Variants in DPH7 observed in about 807,000 individuals in gnomAD.
The protein encoded by DPH7 is diphthamide biosynthesis 7, also known as diphthine methyltransferase.
DPH7 carries 44 observed loss-of-function variants against 41.7 expected under a neutral mutation model. The observed-to-expected ratio is 1.05, with a 90% CI of 0.83 to 1.36. The LOEUF (loss-of-function observed/expected upper bound fraction) is 1.36, where lower values mean the gene tolerates loss of function less well. Ranked by LOEUF, DPH7 falls within the 40% of genes most tolerant of loss-of-function variation. The pLI, the probability that DPH7 is intolerant of heterozygous loss-of-function variation, is 0.00. For synonymous variants in DPH7, 275 were observed against 238.0 expected, an observed-to-expected ratio of 1.16 and a Z score of -1.43; for missense variants, 629 against 577.5, an observed-to-expected ratio of 1.09 and a Z score of -0.91.
At chr9:137,558,747 A>AT (rs1564405416) in intron 8 of DPH7, among the ~76,000 whole-genome samples, 4 of 151,898 alleles carry the variant, frequency 2.6e-5, no homozygotes. Context: ...TTTATTTTTT[A>AT]TTTTTTTTGA....
chr9:137,571,643 C>G (rs1840456866), intron 5 of DPH7, among the ~76,000 whole-genome samples: 2 of 151,578 alleles, frequency 1.3e-5, no homozygotes, highest in South Asian at 4.2e-4. Context: ...CAAAAATTAG[C>G]CGGGCATGGC....
intron 8 of DPH7, among the ~76,000 whole-genome samples, chr9:137,558,388 G>A (rs1837891931): frequency 6.6e-6 from 1 of 152,050 alleles, no homozygotes; most frequent in South Asian, 2.1e-4. Flanking sequence ...CAGGACACAA[G>A]ACCCTCTCTT....
chr9:137,564,895 T>TC lies in DPH7; in HGVS notation c.773dup (p.Ser259LysfsTer3), dbSNP rs762157874. 2.0e-5 allele frequency: 32 copies of TC among 1,593,154 alleles called. No individual in the cohort carries two copies. Among genetic ancestry groups the TC allele is most frequent in the Non-Finnish European group, 2.6e-5 (31 of 1,169,906 alleles). On this transcript the variant is annotated frameshift_variant, in exon 7 of 9. Transcript: ENST00000277540. LOFTEE classifies it high-confidence loss of function. ...CCGAGAGCCTCCTGGGGACTCACCTTCCCGTGGCCAGGATGTGCTCCCGAT... is the reference window on the plus strand; with the variant it reads ...CCGAGAGCCTCCTGGGGACTCACCTTCCCCGTGGCCAGGATGTGCTCCCGAT...
At chr9:137,573,360 C>CAAAAAAAAA (rs34523698) in intron 5 of DPH7, among the ~76,000 whole-genome samples, 2 of 40,278 alleles carry the variant, frequency 5.0e-5, no homozygotes, top group Non-Finnish European at 8.5e-5. Flanking sequence ...GACTCCATCT[C>CAAAAAAAAA]AAAAAAAAAA....
chr9:137,562,803 C>T (rs1238430126), intron 8 of DPH7, among the ~76,000 whole-genome samples: 1 of 151,974 alleles, frequency 6.6e-6, no homozygotes, highest in Non-Finnish European at 1.5e-5. Flanking sequence ...CCCGTCTCTA[C>T]TAAAAATACA....
chr9:137,565,099 G>A lies in DPH7; in HGVS notation c.696C>T (p.Leu232=), dbSNP rs1032571213. ...GWDTRVPGKF[L]FTSKRHTMGV... is the part of the protein sequence containing the mutation. Reference sequence around the variant, plus strand: ...TGGGCAGTTACCTTTTGCTGGTGAAGAGAAATTTGCCGGGTACCCTGGTGT... The same window carrying A: ...TGGGCAGTTACCTTTTGCTGGTGAAAAGAAATTTGCCGGGTACCCTGGTGT... Residue 232 remains leucine, a synonymous_variant, in exon 6 of 9, where the codon CTC becomes CTT. Coordinates refer to ENST00000277540, the MANE Select transcript of DPH7 (RefSeq NM_138778.5). 6.2e-7 allele frequency: 1 copy of A among 1,614,080 alleles called. No homozygotes were observed. Among genetic ancestry groups the A allele is most frequent in the Non-Finnish European group, 8.5e-7 (1 of 1,180,020 alleles).
intron 5 of DPH7, among the ~76,000 whole-genome samples, chr9:137,570,802 T>C (rs1299130840): frequency 6.6e-6 from 1 of 152,186 alleles, no homozygotes; most frequent in Non-Finnish European, 1.5e-5. Context: ...CTGCCCACCC[T>C]GACCATGCTC....
chr9:137,556,604 T>C lies in DPH7; in HGVS notation c.950-956A>G, dbSNP rs1837542831. Reference sequence around the variant, plus strand: ...GCCCAGGGCTTCAACTGGGCAGAGGTGGCTCCGAGGAGGAGTGAGATGCTG... The same window carrying C: ...GCCCAGGGCTTCAACTGGGCAGAGGCGGCTCCGAGGAGGAGTGAGATGCTG... On this transcript the variant is annotated intron_variant, in intron 8 of 8. Coordinates refer to ENST00000277540, the MANE Select transcript of DPH7 (RefSeq NM_138778.5). This position sits in a 1 kb window ranked among gnomAD's most constrained non-coding sequence, Gnocchi z 5.2. The C allele has an allele frequency of 3.0e-6, 1 of 337,348 alleles. No homozygotes were observed. The highest frequency in any genetic ancestry group is 5.9e-6 in the Non-Finnish European group (1 of 170,476). 20.9% of individuals were successfully genotyped at this position (337,348 alleles called of 1,614,324 possible). A position where few individuals can be genotyped will look rare whatever the true frequency, so the allele number is the denominator to read the frequency against.
At chr9:137,578,354 G>C (rs1239767024) in intron 1 of DPH7, among the ~76,000 whole-genome samples, 1 of 152,146 alleles carries the variant, frequency 6.6e-6, no homozygotes, top group Non-Finnish European at 1.5e-5. Flanking sequence ...TTTTAGTAGA[G>C]ACGGGGTTTC....
chr9:137,558,023 C>A (rs1286567351), intron 8 of DPH7, among the ~76,000 whole-genome samples: 4 of 152,150 alleles, frequency 2.6e-5, no homozygotes, highest in Non-Finnish European at 5.9e-5. Flanking sequence ...GTAATCCCAG[C>A]TACTCCGGAG....
At chr9:137,572,219 T>C (rs750311056) in intron 5 of DPH7, among the ~76,000 whole-genome samples, 18 of 152,092 alleles carry the variant, frequency 1.2e-4, no homozygotes, top group Non-Finnish European at 2.2e-4. Context: ...AAAAGCAGAA[T>C]TCACCCATGA....
In DPH7 at chr9:137,564,883, G is replaced by T. The variant is rs769201598; in HGVS notation, c.776+10C>A. The stretch of plus-strand genomic sequence containing the variant: ...GACGAGAAGGGCCCGAGAGCCTCCT[G>T]GGGACTCACCTTCCCGTGGCCAGGA... On this transcript the variant is annotated intron_variant, in intron 7 of 8. Coordinates refer to ENST00000277540, the MANE Select transcript of DPH7 (RefSeq NM_138778.5). The T allele has an allele frequency of 6.3e-7, 1 of 1,587,850 alleles. No individual in the cohort carries two copies. Among genetic ancestry groups the T allele is most frequent in the African/African-American group, 1.3e-5 (1 of 74,480 alleles).
chr9:137,575,779 A>G, intron 3 of DPH7: 1 of 1,184,028 alleles, frequency 8.4e-7, no homozygotes. Flanking sequence ...GGGCCCCAGC[A>G]TCAACCTAAG....
intron 5 of DPH7, among the ~76,000 whole-genome samples, chr9:137,568,967 C>T (rs190627197): frequency 3.3e-5 from 5 of 152,216 alleles, no homozygotes; most frequent in Admixed American, 3.3e-4. Context: ...GGACTCCACA[C>T]CATGCACCTG....
intron 5 of DPH7, among the ~76,000 whole-genome samples, chr9:137,570,950 T>C (rs962992816): frequency 1.3e-5 from 2 of 152,158 alleles, no homozygotes; most frequent in East Asian, 1.9e-4. Flanking sequence ...TTGTGTTTAC[T>C]GTCTGTCTCC....
intron 5 of DPH7, among the ~76,000 whole-genome samples, chr9:137,568,648 G>A (rs1455366342): frequency 6.6e-6 from 1 of 152,114 alleles, no homozygotes; most frequent in Non-Finnish European, 1.5e-5. Flanking sequence ...ACCTCAACAG[G>A]AGGTCCCAGA....
At chr9:137,558,869 G>T (rs936330698) in intron 8 of DPH7, among the ~76,000 whole-genome samples, 2 of 152,054 alleles carry the variant, frequency 1.3e-5, no homozygotes, top group Non-Finnish European at 2.9e-5. Context: ...CAAGTAGCTG[G>T]GACTACAGGC....
Position 137,559,413 on chromosome 9 carries a change from T to A in DPH7, c.950-3765A>T, listed in dbSNP as rs138275655. 8.8e-3 allele frequency among the ~76,000 whole-genome samples: 1,334 copies of A among 151,168 alleles called. 10 individuals are homozygous for A. Among genetic ancestry groups the A allele is most frequent in the Non-Finnish European group, 0.015 (1,010 of 67,746 alleles). On this transcript the variant is annotated intron_variant, in intron 8 of 8. Transcript: ENST00000277540. ...CTACTTAGCAGACCTGGAAAGGGAG[T>A]CTCCCTTTCCCCGGGGGAGTTTAGA... is the stretch of plus-strand genomic sequence containing the variant.
intron 8 of DPH7, among the ~76,000 whole-genome samples, chr9:137,559,653 T>C (rs1838164262): frequency 6.6e-6 from 1 of 152,230 alleles, no homozygotes; most frequent in Non-Finnish European, 1.5e-5. Flanking sequence ...GCAGAAATAA[T>C]AGCGTAAGCT....
Sources: allele counts gnomAD v4.1 joint callset (sites outside exome capture counted in the v4.1 genomes callset), GRCh38; gene constraint gnomAD v4.1.1; non-coding constraint Gnocchi (gnomAD v3.1); transcripts MANE v1.5; gene names NCBI Gene and HGNC (gene_info 2026-07-23, HGNC 2026-07-21).